The following ROBO2 variants were observed in gnomAD, a reference collection of about 807,000 sequenced individuals.
ROBO2 encodes roundabout homolog 2.
Under a neutral mutation model 160.8 loss-of-function variants are expected in ROBO2, and 53 were observed. The observed-to-expected ratio is 0.33, with a 90% CI of 0.26 to 0.41. The LOEUF (loss-of-function observed/expected upper bound fraction) is 0.41, where lower values mean the gene tolerates loss of function less well. ROBO2 is among the 10% of genes least tolerant of loss of function. The pLI is 1.00. For synonymous variants in ROBO2, 664 were observed against 611.7 expected (o/e 1.09, Z -1.26); for missense variants, 1,577 against 1,722.4 (o/e 0.92, Z 1.49).
chr3:77,157,771 G>C (rs2078140341), intron 2 of ROBO2, among the ~76,000 whole-genome samples: 1 of 152,060 alleles, frequency 6.6e-6, no homozygotes, highest in African/African-American at 2.4e-5. Flanking sequence ...TTGAGACACT[G>C]TTTCTATATT....
intron 2 of ROBO2, among the ~76,000 whole-genome samples, chr3:76,783,328 G>C (rs1457751): frequency 0.84 from 125,977 of 150,610 alleles, 52,782 homozygotes; most frequent in Admixed American, 0.86. Flanking sequence ...CTAGAGTATT[G>C]AGACTTTGAC....
intron 2 of ROBO2, among the ~76,000 whole-genome samples, chr3:76,186,351 C>A (rs2107144323): frequency 6.6e-6 from 1 of 152,180 alleles, no homozygotes; most frequent in African/African-American, 2.4e-5. Context: ...CTCCTTCCCC[C>A]ATACCCTCTC....
chr3:76,048,880 C>G (rs941666493), intron 2 of ROBO2, among the ~76,000 whole-genome samples: 2 of 152,074 alleles, frequency 1.3e-5, no homozygotes, highest in Non-Finnish European at 2.9e-5. Context: ...TAAATGTTAA[C>G]AAGATTAATC....
At chr3:77,097,959 G>A (rs1321831076) in intron 1 of ROBO2, 55 bp from the exon 2 acceptor site, 3 of 1,413,184 alleles carry the variant, frequency 2.1e-6, no homozygotes, top group Non-Finnish European at 2.8e-6. Context: ...AAGTGAAACC[G>A]AGGGTTTAGA....
chr3:77,293,928 GT>G (rs2061658003), intron 2 of ROBO2, among the ~76,000 whole-genome samples: 1 of 142,430 alleles, frequency 7.0e-6, no homozygotes, highest in Non-Finnish European at 1.5e-5. Flanking sequence ...CAGACATAAA[GT>G]AAAATTGATG....
At chr3:77,605,614 G>A (rs2094512483) in intron 20 of ROBO2, among the ~76,000 whole-genome samples, 1 of 152,126 alleles carries the variant, frequency 6.6e-6, no homozygotes, top group African/African-American at 2.4e-5. Flanking sequence ...AGTAGGTAAT[G>A]AATGGCTTTC....
chr3:76,134,686 CT>C (rs1460252679), intron 2 of ROBO2, among the ~76,000 whole-genome samples: 1 of 152,026 alleles, frequency 6.6e-6, no homozygotes, highest in African/African-American at 2.4e-5. Context: ...CTTGTGACCC[CT>C]TACGAAAGGA....
intron 2 of ROBO2, among the ~76,000 whole-genome samples, chr3:75,962,440 G>T (rs556088381): frequency 6.6e-6 from 1 of 151,930 alleles, no homozygotes; most frequent in Non-Finnish European, 1.5e-5. Flanking sequence ...TAGATATAAC[G>T]TGTTTAACTT....
chr3:77,478,490 C>G (rs1186511033), intron 3 of ROBO2, among the ~76,000 whole-genome samples: 1 of 152,118 alleles, frequency 6.6e-6, no homozygotes, highest in African/African-American at 2.4e-5. Context: ...ATGAAACACA[C>G]AGAAACAGGC....
intron 2 of ROBO2, among the ~76,000 whole-genome samples, chr3:76,037,318 C>T (rs756868204): frequency 1.6e-4 from 23 of 147,332 alleles, no homozygotes; most frequent in Non-Finnish European, 2.4e-4. Flanking sequence ...AGTGCAGTGG[C>T]GCGATCTCGG....
At chr3:76,545,843 A>G (rs1469122824) in intron 2 of ROBO2, among the ~76,000 whole-genome samples, 1 of 151,894 alleles carries the variant, frequency 6.6e-6, no homozygotes, top group Non-Finnish European at 1.5e-5. Context: ...ATATCTGCAC[A>G]TATACTTAGT....
At chr3:76,381,864 C>T (rs1453674001) in intron 2 of ROBO2, among the ~76,000 whole-genome samples, 2 of 152,046 alleles carry the variant, frequency 1.3e-5, no homozygotes, top group African/African-American at 4.8e-5. Flanking sequence ...GATTCTCAGC[C>T]CGGTTTAATG....
At chr3:76,726,329 A>G (rs1455399192) in intron 2 of ROBO2, among the ~76,000 whole-genome samples, 1 of 151,988 alleles carries the variant, frequency 6.6e-6, no homozygotes, top group East Asian at 1.9e-4. Context: ...ATCGTTAATT[A>G]TTAGTAGTTC....
intron 2 of ROBO2, among the ~76,000 whole-genome samples, chr3:76,785,440 T>C (rs2062911953): frequency 6.6e-6 from 1 of 151,270 alleles, no homozygotes; most frequent in Non-Finnish European, 1.5e-5. Flanking sequence ...AGTATAGTGG[T>C]ATGCTAATAG....
chr3:77,339,759 A>AT (rs2066867313), intron 2 of ROBO2, among the ~76,000 whole-genome samples: 1 of 150,874 alleles, frequency 6.6e-6, no homozygotes, highest in African/African-American at 2.5e-5. Flanking sequence ...TATAATATAT[A>AT]TTTTAAAAAA....
chr3:76,898,233 A>G (rs188179996), intron 2 of ROBO2, among the ~76,000 whole-genome samples: 30 of 152,236 alleles, frequency 2.0e-4, no homozygotes, highest in Admixed American at 2.0e-3. Flanking sequence ...TAAAGGCTTT[A>G]TTTTTAAAGT....
chr3:76,934,321 G>C (rs2077545255), intron 2 of ROBO2, among the ~76,000 whole-genome samples: 1 of 151,878 alleles, frequency 6.6e-6, no homozygotes, highest in Non-Finnish European at 1.5e-5. Flanking sequence ...CTCCCTTACT[G>C]TTTATGAAAT....
At chr3:77,099,073 T>TTTC (rs2071533823) in intron 2 of ROBO2, among the ~76,000 whole-genome samples, 2 of 125,646 alleles carry the variant, frequency 1.6e-5, no homozygotes, top group East Asian at 2.1e-4. Flanking sequence ...CTTTCTTTCT[T>TTTC]TTTTTTTTTT....
intron 2 of ROBO2, among the ~76,000 whole-genome samples, chr3:76,401,198 A>C (rs867417639): frequency 6.6e-6 from 1 of 151,514 alleles, no homozygotes; most frequent in East Asian, 1.9e-4. Context: ...CTCAGTCAAC[A>C]TTGCAAGAAA....
Sources: gnomAD v4.1 joint callset for allele counts (sites outside exome capture counted in the v4.1 genomes callset) on GRCh38, gnomAD v4.1.1 for gene constraint, MANE v1.5 for transcripts, NCBI Gene and HGNC (gene_info 2026-07-23, HGNC 2026-07-21) for gene names.